The following PIN1 variants were observed in gnomAD, a reference collection of about 807,000 sequenced individuals.
PIN1 encodes the protein peptidyl-prolyl cis-trans isomerase NIMA-interacting 1.
PIN1 carries 8 observed loss-of-function variants against 19.9 expected under a neutral mutation model. The observed-to-expected ratio is 0.40, with a 90% CI of 0.24 to 0.72. PIN1 has a LOEUF of 0.72. Ranked by LOEUF, PIN1 falls within the 30% of genes least tolerant of loss-of-function variation. The pLI is 0.37. For synonymous variants in PIN1, 86 were observed against 90.8 expected (o/e 0.95, Z 0.30); for missense variants, 185 against 226.5 (o/e 0.82, Z 1.18).
rs761368897 is a variant in PIN1, at chr19:9,849,501, C to A, written c.*302C>A. ...GGGAGGGGTGTTCCAAAGAGAAGGC[C>A]TGGTCAGCAGAGCCGCCCCGTGTCC... On this transcript the variant is annotated 3_prime_UTR_variant, in exon 4 of 4. Coordinates refer to ENST00000247970, the MANE Select transcript of PIN1 (RefSeq NM_006221.4). The A allele has an allele frequency of 1.5e-6, 1 of 676,204 alleles. No homozygotes were observed. The highest frequency in any genetic ancestry group is 1.4e-5 in the South Asian group (1 of 72,988). 41.9% of individuals were successfully genotyped at this position (676,204 alleles called of 1,614,324 possible).
At position 9,838,353 on chromosome 19, in the gene PIN1, C is replaced by T; in HGVS notation, c.59-83C>T. On this transcript the variant is annotated intron_variant, in intron 1 of 3. Transcript: ENST00000247970. The surrounding 1 kb of genome is among the most constrained non-coding windows in gnomAD (Gnocchi z 5.8). ...TGAAGGCGCCCCCTGCAAGCCAGGC[C>T]CTCACCCTGGCTTCTGGCTGTGGGC... The T allele has an allele frequency of 9.0e-7, 1 of 1,106,266 alleles. No homozygotes were observed. Among genetic ancestry groups the T allele is most frequent in the Non-Finnish European group, 1.3e-6 (1 of 741,922 alleles). The allele number at this position is 1,106,266 out of a possible 1,614,324, so 68.5% of individuals were successfully genotyped here. A position where few individuals can be genotyped will look rare whatever the true frequency, so the allele number is the denominator to read the frequency against.
intron 1 of PIN1, chr19:9,835,620 C>G: frequency 9.9e-6 from 4 of 403,558 alleles, no homozygotes; most frequent in African/African-American, 2.2e-5. Context: ...GGGGGCTGGG[C>G]GGGTGAGGGT....
chr19:9,840,998 G>A (rs1237673013), intron 2 of PIN1, among the ~76,000 whole-genome samples: 1 of 152,250 alleles, frequency 6.6e-6, no homozygotes, highest in East Asian at 1.9e-4. Flanking sequence ...GGGAGTAACA[G>A]CTCCTGGCAT....
chr19:9,843,680 T>C (rs1354483232), intron 2 of PIN1, among the ~76,000 whole-genome samples: 2 of 152,202 alleles, frequency 1.3e-5, no homozygotes, highest in Non-Finnish European at 2.9e-5. Context: ...CCTCTCACTG[T>C]GCACTCACAT....
Position 9,847,452 on chromosome 19 carries a change from G to A in PIN1, c.272-578G>A, listed in dbSNP as rs914510909. Among the ~76,000 whole-genome samples the A allele has an allele frequency of 3.9e-5, 6 of 152,218 alleles. No individual in the cohort carries two copies. The South Asian group carries it at 8.3e-4, about 21-fold the overall frequency. On this transcript the variant is annotated intron_variant, in intron 2 of 3. Transcript: ENST00000247970. ...CTGGGACCCTGGGGCTACAGCCCAC[G>A]AGTGTCCCTTGCAGAGCCCACCAGG... is the stretch of plus-strand genomic sequence containing the variant.
chr19:9,845,983 T>C (rs980833821), intron 2 of PIN1, among the ~76,000 whole-genome samples: 2 of 151,646 alleles, frequency 1.3e-5, no homozygotes, highest in Admixed American at 6.6e-5. Context: ...GGCTTAGTGG[T>C]CCAGACAGAA....
At chr19:9,842,462 C>T (rs1447420346) in intron 2 of PIN1, among the ~76,000 whole-genome samples, 1 of 152,178 alleles carries the variant, frequency 6.6e-6, no homozygotes, top group Non-Finnish European at 1.5e-5. Context: ...GGTGGAGCCT[C>T]AGCCCCAGTC....
In PIN1 at chr19:9,846,212, C is replaced by T. The variant is rs1199840308; in HGVS notation, c.272-1818C>T. ...GGCAGAAGCCTCTGTAATGTGCCAT[C>T]CCAACAGAAGCTGGGGCCCTGTATG... On this transcript the variant is annotated intron_variant, in intron 2 of 3. Coordinates refer to ENST00000247970, the MANE Select transcript of PIN1 (RefSeq NM_006221.4). The surrounding 1 kb of genome is among the most constrained non-coding windows in gnomAD (Gnocchi z 5.9). Among the ~76,000 whole-genome samples, 1 of 152,230 alleles carries T rather than the reference C, an allele frequency of 6.6e-6. No individual in the cohort carries two copies. Among genetic ancestry groups the T allele is most frequent in the Non-Finnish European group, 1.5e-5 (1 of 68,044 alleles).
Position 9,846,766 on chromosome 19 carries a change from C to T in PIN1, c.272-1264C>T, listed in dbSNP as rs114416559. The stretch of plus-strand genomic sequence containing the variant: ...CTATGTATGTCCTGGGCAAGTTGGC[C>T]GGCAGGTGTGTCATGGCATCATTTA... On this transcript the variant is annotated intron_variant, in intron 2 of 3. Coordinates refer to ENST00000247970, the MANE Select transcript of PIN1 (RefSeq NM_006221.4). The surrounding 1 kb of genome is among the most constrained non-coding windows in gnomAD (Gnocchi z 5.9). Among the ~76,000 whole-genome samples the T allele has an allele frequency of 0.016, 2,382 of 152,160 alleles. 54 individuals are homozygous for T. The highest frequency in any genetic ancestry group is 0.053 in the African/African-American group (2,191 of 41,506).
At chr19:9,837,496 C>T (rs939521955) in intron 1 of PIN1, 1 of 154,834 alleles carries the variant, frequency 6.5e-6, no homozygotes, top group African/African-American at 2.4e-5. Flanking sequence ...GAGTCTCACT[C>T]TATCGCTCAG....
At chr19:9,836,555 CTGATGGCTTCCT>C in intron 1 of PIN1, 1 of 296,604 alleles carries the variant, frequency 3.4e-6, no homozygotes, top group Non-Finnish European at 6.8e-6. Context: ...CAGTTCAACC[CTGATGGCTTCCT>C]TTATGGGTGA....
At chr19:9,840,803 C>T (rs1338341789) in intron 2 of PIN1, among the ~76,000 whole-genome samples, 1 of 152,026 alleles carries the variant, frequency 6.6e-6, no homozygotes, top group East Asian at 1.9e-4. Flanking sequence ...CACCATGTTG[C>T]CTAGGATGGT....
intron 2 of PIN1, among the ~76,000 whole-genome samples, chr19:9,839,623 A>C (rs922257085): frequency 1.3e-5 from 2 of 152,220 alleles, no homozygotes; most frequent in African/African-American, 4.8e-5. Flanking sequence ...GATAGCACTC[A>C]TAACTAATAT....
Position 9,835,500 on chromosome 19 carries a change from C to T in PIN1, c.58+98C>T, listed in dbSNP as rs995822754. ...CGCGGCGGCAGCGCTGCCTCCCTCCCATGGGGTCCTGGCTCTTCCGCGTCG... is the reference window on the plus strand; with the variant it reads ...CGCGGCGGCAGCGCTGCCTCCCTCCTATGGGGTCCTGGCTCTTCCGCGTCG... On this transcript the variant is annotated intron_variant, in intron 1 of 3. Coordinates refer to ENST00000247970, the MANE Select transcript of PIN1 (RefSeq NM_006221.4). 18 of 824,094 alleles carry T rather than the reference C, an allele frequency of 2.2e-5. No individual in the cohort carries two copies. In the African/African-American group the frequency reaches 3.3e-4, roughly 15 times the overall value. 51.0% of individuals were successfully genotyped at this position (824,094 alleles called of 1,614,324 possible). A position where few individuals can be genotyped will look rare whatever the true frequency, so the allele number is the denominator to read the frequency against.
At chr19:9,840,597 AT>A (rs1157631879) in intron 2 of PIN1, among the ~76,000 whole-genome samples, 1 of 152,022 alleles carries the variant, frequency 6.6e-6, no homozygotes, top group Non-Finnish European at 1.5e-5. Flanking sequence ...CTGGGCTTCA[AT>A]CTTTTTCTCC....
At chr19:9,847,361 A>G (rs938602422) in intron 2 of PIN1, among the ~76,000 whole-genome samples, 1 of 152,120 alleles carries the variant, frequency 6.6e-6, no homozygotes, top group East Asian at 1.9e-4. Flanking sequence ...GGGTGGGGCC[A>G]CCCTGAGTTC....
rs893897723 is a variant in PIN1, at chr19:9,846,568, C to G, written c.272-1462C>G. Reference sequence around the variant, plus strand: ...CTGTGCTCTCACGGTGGTACCATTTCCACTGCAGTCCCAAGCAGGTTAGAG... The same window carrying G: ...CTGTGCTCTCACGGTGGTACCATTTGCACTGCAGTCCCAAGCAGGTTAGAG... On this transcript the variant is annotated intron_variant, in intron 2 of 3. Transcript: ENST00000247970. This position sits in a 1 kb window ranked among gnomAD's most constrained non-coding sequence, Gnocchi z 5.9. Among the ~76,000 whole-genome samples the G allele has an allele frequency of 7.9e-5, 12 of 152,096 alleles. No homozygotes were observed. The highest frequency in any genetic ancestry group is 1.5e-4 in the Non-Finnish European group (10 of 68,016).
chr19:9,849,201 G>A lies in PIN1; in HGVS notation c.*2G>A, dbSNP rs766822401. The A allele has an allele frequency of 3.1e-5, 49 of 1,600,920 alleles. No individual in the cohort carries two copies. The highest frequency in any genetic ancestry group is 1.9e-4 in the South Asian group (17 of 90,170). On this transcript the variant is annotated 3_prime_UTR_variant, in exon 4 of 4. Coordinates refer to ENST00000247970, the MANE Select transcript of PIN1 (RefSeq NM_006221.4). ...CACATCATCCTCCGCACTGAGTGAG[G>A]GTGGGGAGCCCAGGCCTGGCCTCGG...
At chr19:9,847,546 C>T (rs923078322) in intron 2 of PIN1, among the ~76,000 whole-genome samples, 1 of 152,202 alleles carries the variant, frequency 6.6e-6, no homozygotes, top group Non-Finnish European at 1.5e-5. Flanking sequence ...CACAGGCTGC[C>T]GTGGCAGTGC....
Sources: gnomAD v4.1 joint callset for allele counts (sites outside exome capture counted in the v4.1 genomes callset) on GRCh38, gnomAD v4.1.1 for gene constraint, Gnocchi (gnomAD v3.1) non-coding constraint, MANE v1.5 for transcripts, NCBI Gene and HGNC (gene_info 2026-07-23, HGNC 2026-07-21) for gene names.